The following PRDM6 variants were observed in gnomAD, a reference collection of about 807,000 sequenced individuals.
PRDM6 encodes the protein putative histone-lysine N-methyltransferase PRDM6.
Under a neutral mutation model 60.8 loss-of-function variants are expected in PRDM6, and 25 were observed. The observed-to-expected ratio is 0.41, with a 90% CI of 0.30 to 0.57. The LOEUF (loss-of-function observed/expected upper bound fraction) is 0.57. PRDM6 is among the 20% of genes least tolerant of loss of function. The pLI, the probability that PRDM6 is intolerant of heterozygous loss-of-function variation, is 0.27. For synonymous variants in PRDM6, 407 were observed against 357.4 expected (o/e 1.14, Z -1.57); for missense variants, 839 against 821.3 (o/e 1.02, Z -0.26).
intron 7 of PRDM6, among the ~76,000 whole-genome samples, chr5:123,185,900 A>T (rs750514529): frequency 4.6e-5 from 7 of 152,214 alleles, no homozygotes; most frequent in Non-Finnish European, 1.0e-4. Flanking sequence ...AGGCAGGGAG[A>T]CTATGTCATG....
At chr5:123,127,088 A>G (rs1419926106) in intron 3 of PRDM6, among the ~76,000 whole-genome samples, 5 of 150,436 alleles carry the variant, frequency 3.3e-5, no homozygotes, top group Admixed American at 6.6e-5. Context: ...CCCAGGCTGG[A>G]GTGCAGTGGT....
At chr5:123,133,165 G>T (rs1321577388) in intron 3 of PRDM6, among the ~76,000 whole-genome samples, 1 of 152,070 alleles carries the variant, frequency 6.6e-6, no homozygotes, top group Non-Finnish European at 1.5e-5. Context: ...ATAATTACTT[G>T]ATTGCAGACA....
chr5:123,182,513 C>T (rs1766188334), intron 7 of PRDM6, among the ~76,000 whole-genome samples: 1 of 152,170 alleles, frequency 6.6e-6, no homozygotes, highest in African/African-American at 2.4e-5. Flanking sequence ...AAATAGATTT[C>T]TATTAATGTT....
At chr5:123,127,749 CCTTT>C (rs1308070725) in intron 3 of PRDM6, among the ~76,000 whole-genome samples, 6 of 143,956 alleles carry the variant, frequency 4.2e-5, no homozygotes, top group Non-Finnish European at 7.7e-5. Context: ...TCCTTTCTTT[CCTTT>C]CTTTCCTTTC....
Position 123,170,821 on chromosome 5 carries a change from C to T in PRDM6, c.1209C>T (p.Pro403=), listed in dbSNP as rs1452326917. The T allele has an allele frequency of 6.4e-7, 1 of 1,552,162 alleles. No individual in the cohort carries two copies. The highest frequency in any genetic ancestry group is 1.7e-4 in the Middle Eastern group (1 of 5,998). The change falls in exon 6 of 8, where the codon CCC becomes CCT. Residue 403 remains proline (P), a synonymous_variant. Coordinates refer to ENST00000407847, the MANE Select transcript of PRDM6 (RefSeq NM_001136239.4). ...TGTGCAGACAAGACGCCCTGCAGCC[C>T]TTCAACAAAAGCAGCAAACTCGCCC... ...EAMCRQDALQ[P]FNKSSKLAPT...
chr5:123,138,681 C>T (rs1198603594), intron 3 of PRDM6, among the ~76,000 whole-genome samples: 1 of 152,092 alleles, frequency 6.6e-6, no homozygotes, highest in Non-Finnish European at 1.5e-5. Context: ...GCAAAGCAAA[C>T]ATAATCATAG....
In PRDM6 at chr5:123,190,785, C is replaced by T. The variant is rs959374466; in HGVS notation, c.*3584C>T. 1 of 152,080 alleles carries T rather than the reference C, an allele frequency of 6.6e-6. No individual in the cohort carries two copies. The highest frequency in any genetic ancestry group is 6.5e-5 in the Admixed American group (1 of 15,272). 9.4% of individuals were successfully genotyped at this position (152,080 alleles called of 1,614,324 possible). A position where few individuals can be genotyped will look rare whatever the true frequency, so the allele number is the denominator to read the frequency against. On this transcript the variant is annotated 3_prime_UTR_variant, in exon 8 of 8. Coordinates refer to ENST00000407847, the MANE Select transcript of PRDM6 (RefSeq NM_001136239.4). ...GAACTCTTATTTTATATAAAGACCC[C>T]ATTTTATGTGTTCACCATAAGCAGC...
chr5:123,126,854 G>A (rs1221421413), intron 3 of PRDM6, among the ~76,000 whole-genome samples: 1 of 152,072 alleles, frequency 6.6e-6, no homozygotes, highest in African/African-American at 2.4e-5. Flanking sequence ...CATAATCTCT[G>A]TCTATATAGT....
chr5:123,127,394 T>A (rs1764717422), intron 3 of PRDM6, among the ~76,000 whole-genome samples: 1 of 152,136 alleles, frequency 6.6e-6, no homozygotes, highest in African/African-American at 2.4e-5. Context: ...AATATAACAG[T>A]TGGGGAGGAA....
intron 7 of PRDM6, among the ~76,000 whole-genome samples, chr5:123,182,482 C>T (rs17391294): frequency 0.061 from 9,350 of 152,110 alleles, 423 homozygotes; most frequent in Non-Finnish European, 0.095. Context: ...TTAATTGAAG[C>T]GGTTTCAGGG....
At chr5:123,089,842 CTT>C (rs1479836662) in intron 1 of PRDM6, among the ~76,000 whole-genome samples, 156 bp from the exon 2 acceptor site, 4 of 152,136 alleles carry the variant, frequency 2.6e-5, no homozygotes, top group Non-Finnish European at 4.4e-5. Context: ...TCGGAGTAAA[CTT>C]TGCGCCCAAG....
intron 2 of PRDM6, among the ~76,000 whole-genome samples, chr5:123,096,573 G>C (rs1763964370): frequency 6.6e-6 from 1 of 152,214 alleles, no homozygotes; most frequent in African/African-American, 2.4e-5. Flanking sequence ...TTTTCTGGCA[G>C]AATATTTTGA....
chr5:123,099,812 T>A lies in PRDM6; in HGVS notation c.751T>A (p.Cys251Ser). The change falls in exon 3 of 8, where the codon TGC (cysteine) becomes AGC (serine). Residue 251 changes from cysteine to serine, a missense_variant. Physicochemically the swap from Cys to Ser is moderately radical, Grantham distance 112. Coordinates refer to ENST00000407847, the MANE Select transcript of PRDM6 (RefSeq NM_001136239.4). This position sits in a 1 kb window ranked among gnomAD's most constrained non-coding sequence, Gnocchi z 4.0. ...LRDLPREVCLCTSTVPGLAYG... is the reference protein window; with the variant it reads ...LRDLPREVCLSTSTVPGLAYG... The stretch of plus-strand genomic sequence containing the variant: ...GGACCTGCCTCGCGAGGTGTGCCTC[T>A]GCACCAGTACTGTGCCCGGCCTGGC... 1 of 1,550,054 alleles carries A rather than the reference T, an allele frequency of 6.5e-7. No individual in the cohort carries two copies. The highest frequency in any genetic ancestry group is 8.7e-7 in the Non-Finnish European group (1 of 1,146,580).
chr5:123,116,075 A>G (rs149206045), intron 3 of PRDM6, among the ~76,000 whole-genome samples: 69 of 152,256 alleles, frequency 4.5e-4, no homozygotes, highest in African/African-American at 1.6e-3. Context: ...GCCCTCTCAA[A>G]TGCAGGGAGT....
At chr5:123,119,659 C>T (rs1219302089) in intron 3 of PRDM6, among the ~76,000 whole-genome samples, 2 of 152,218 alleles carry the variant, frequency 1.3e-5, no homozygotes, top group East Asian at 1.9e-4. Context: ...ACAAGACATG[C>T]TTCAGACCCT....
At chr5:123,163,236 T>G (rs1372909241) in intron 5 of PRDM6, among the ~76,000 whole-genome samples, 1 of 152,236 alleles carries the variant, frequency 6.6e-6, no homozygotes, top group African/African-American at 2.4e-5. Context: ...TTTGTTGTTG[T>G]TAATGAAATT....
chr5:123,102,175 G>T (rs1561806176), intron 3 of PRDM6, among the ~76,000 whole-genome samples: 1 of 152,176 alleles, frequency 6.6e-6, no homozygotes, highest in Non-Finnish European at 1.5e-5. Flanking sequence ...AAATGTGTCA[G>T]TCTCCTGGGA....
At chr5:123,181,075 A>G (rs1195123795) in intron 7 of PRDM6, among the ~76,000 whole-genome samples, 1 of 152,228 alleles carries the variant, frequency 6.6e-6, no homozygotes, top group African/African-American at 2.4e-5. Context: ...TGGTCTATTC[A>G]TTCACTTATT....
intron 5 of PRDM6, among the ~76,000 whole-genome samples, chr5:123,160,094 T>G (rs933581547): frequency 6.6e-6 from 1 of 152,246 alleles, no homozygotes; most frequent in East Asian, 1.9e-4. Flanking sequence ...TTTAGTTGAT[T>G]GGGTGTGCTT....
Sources: gnomAD v4.1 joint callset for allele counts (sites outside exome capture counted in the v4.1 genomes callset) on GRCh38, gnomAD v4.1.1 for gene constraint, Gnocchi (gnomAD v3.1) non-coding constraint, MANE v1.5 for transcripts, NCBI Gene and HGNC (gene_info 2026-07-23, HGNC 2026-07-21) for gene names.